C10orf71: variants seen among roughly 807,000 people sequenced by gnomAD.
The protein encoded by C10orf71 is chromosome 10 open reading frame 71, also known as cardiac-enriched FHL2-interacting protein.
For synonymous variants in C10orf71, 758 were observed against 726.3 expected, an observed-to-expected ratio of 1.04 and a Z score of -0.70; for missense variants, 1,869 against 1,804.5, an observed-to-expected ratio of 1.04 and a Z score of -0.65.
chr10:49,321,411 T>A (rs1173545376), intron 2 of C10orf71, among the ~76,000 whole-genome samples: 3 of 152,238 alleles, frequency 2.0e-5, no homozygotes, highest in Admixed American at 2.0e-4. Context: ...TCTTTAAGGT[T>A]GAATAATTCC....
At position 49,299,253 on chromosome 10, in the gene C10orf71, C is replaced by G. The variant is rs75324569; in HGVS notation, c.-248+20C>G. On this transcript the variant is annotated intron_variant, in intron 1 of 2. Coordinates refer to ENST00000374144, the MANE Select transcript of C10orf71 (RefSeq NM_001135196.2). The stretch of plus-strand genomic sequence containing the variant: ...ATTTAGGTAAGCTTCGCGGACTTCC[C>G]GTGTCTGGCCGGCTTCTGGTCACTG... The G allele has an allele frequency of 1.3e-5, 2 of 152,208 alleles. No homozygotes were observed. Among genetic ancestry groups the G allele is most frequent in the Non-Finnish European group, 2.9e-5 (2 of 68,118 alleles). 9.4% of individuals were successfully genotyped at this position (152,208 alleles called of 1,614,324 possible).
chr10:49,322,830 G>C lies in C10orf71; in HGVS notation c.285G>C (p.Trp95Cys), dbSNP rs1849121283. 1.2e-6 allele frequency: 2 copies of C among 1,613,918 alleles called. No individual in the cohort carries two copies. The highest frequency in any genetic ancestry group is 4.5e-5 in the East Asian group (2 of 44,868). Reference sequence around the variant, plus strand: ...CACAGGGCACGGAACATTCGGGCTGGGCGGCCACCTTCCAACAGCTACCCA... The same window carrying C: ...CACAGGGCACGGAACATTCGGGCTGCGCGGCCACCTTCCAACAGCTACCCA... Reference protein sequence around the residue: ...LPSQGTEHSGWAATFQQLPKY... With the variant: ...LPSQGTEHSGCAATFQQLPKY... The change falls in exon 3 of 3, where the codon TGG becomes TGC. Residue 95 changes from tryptophan to cysteine, a missense_variant. By Grantham distance (215) the Trp-to-Cys change is radical (BLOSUM62 -2). Transcript: ENST00000374144.
intron 1 of C10orf71, among the ~76,000 whole-genome samples, chr10:49,309,849 G>T (rs1848880293): frequency 6.6e-6 from 1 of 152,162 alleles, no homozygotes; most frequent in African/African-American, 2.4e-5. Context: ...AGAGCAAGAG[G>T]AATCAATTCC....
intron 1 of C10orf71, among the ~76,000 whole-genome samples, chr10:49,307,159 C>T (rs1434000655): frequency 6.6e-6 from 1 of 152,238 alleles, no homozygotes; most frequent in Non-Finnish European, 1.5e-5. Flanking sequence ...GTGATGCCAG[C>T]ATGGCTGCTC....
chr10:49,325,425 T>C lies in C10orf71; in HGVS notation c.2880T>C (p.Ser960=). The change falls in exon 3 of 3, where the codon TCT becomes TCC. Residue 960 remains serine, a synonymous_variant. Coordinates refer to ENST00000374144, the MANE Select transcript of C10orf71 (RefSeq NM_001135196.2). The stretch of plus-strand genomic sequence containing the variant: ...CAGCCCCAAAGGGGAATTTCCCATC[T>C]ATGCCTCTGGTGGGAGAGGGGGACC... ...SQPAPKGNFP[S]MPLVGEGDRV... 6.5e-7 allele frequency: 1 copy of C among 1,550,232 alleles called. No individual in the cohort carries two copies. The highest frequency in any genetic ancestry group is 1.7e-4 in the Middle Eastern group (1 of 5,984).
Position 49,325,027 on chromosome 10 carries a change from G to A in C10orf71, c.2482G>A (p.Gly828Arg). 1 of 1,551,778 alleles carries A rather than the reference G, an allele frequency of 6.4e-7. No individual in the cohort carries two copies. The highest frequency in any genetic ancestry group is 8.7e-7 in the Non-Finnish European group (1 of 1,147,022). Residue 828 changes from glycine to arginine, a missense_variant, in exon 3 of 3, where the codon GGG becomes AGG. Physicochemically the swap from Gly to Arg is moderately radical, Grantham distance 125. Transcript: ENST00000374144. ...AGCTAATTTCAGAGGCTCTTGGATT[G>A]GGGAAAATAAGGGCACAACCTTTTC... Reference protein sequence around the residue: ...EEANFRGSWIGENKGTTFSQA... With the variant: ...EEANFRGSWIRENKGTTFSQA...
intron 1 of C10orf71, among the ~76,000 whole-genome samples, chr10:49,310,790 A>ATGG (rs1848897310): frequency 6.6e-6 from 1 of 151,238 alleles, no homozygotes; most frequent in African/African-American, 2.4e-5. Flanking sequence ...GATGATGATG[A>ATGG]TGATGATGAT....
chr10:49,306,897 A>C (rs992929549), intron 1 of C10orf71, among the ~76,000 whole-genome samples: 6 of 152,188 alleles, frequency 3.9e-5, no homozygotes, highest in Admixed American at 3.3e-4. Context: ...CTGGCCTGGC[A>C]GTGGGGGTGG....
chr10:49,326,414 T>A lies in C10orf71; in HGVS notation c.3869T>A (p.Leu1290Ter). ...PQSGEYFVFD[L>*]PLQVKIKTFY... is the part of the protein sequence containing the mutation. ...TCCGGGGAGTACTTTGTCTTCGACTTGCCACTCCAGGTGAAAATCAAGACC... is the reference window on the plus strand; with the variant it reads ...TCCGGGGAGTACTTTGTCTTCGACTAGCCACTCCAGGTGAAAATCAAGACC... Residue 1290 changes from leucine (L) to a stop codon, truncating the protein, a stop_gained, in exon 3 of 3, where the codon TTG becomes TAG. Transcript: ENST00000374144. LOFTEE classifies it low-confidence loss of function (END_TRUNC). 1 of 1,550,508 alleles carries A rather than the reference T, an allele frequency of 6.4e-7. No individual in the cohort carries two copies. The highest frequency in any genetic ancestry group is 8.7e-7 in the Non-Finnish European group (1 of 1,146,890).
rs1332704051 is a variant in C10orf71, at chr10:49,324,820, G to T, written c.2275G>T (p.Asp759Tyr). The T allele has an allele frequency of 6.4e-7, 1 of 1,552,080 alleles. No individual in the cohort carries two copies. The highest frequency in any genetic ancestry group is 2.4e-5 in the East Asian group (1 of 40,926). The change falls in exon 3 of 3, where the codon GAT (aspartate) becomes TAT (tyrosine). Residue 759 changes from aspartate (D) to tyrosine (Y), a missense_variant. Asp to Tyr is a radical substitution (Grantham distance 160). Coordinates refer to ENST00000374144, the MANE Select transcript of C10orf71 (RefSeq NM_001135196.2). ...GAACCAGCGGGAAGACAGGAGGAAGGATGTGAGTGCAGGTGACAGTCAGAA... is the reference window on the plus strand; with the variant it reads ...GAACCAGCGGGAAGACAGGAGGAAGTATGTGAGTGCAGGTGACAGTCAGAA... ...TENQREDRRK[D>Y]VSAGDSQKDE...
intron 1 of C10orf71, among the ~76,000 whole-genome samples, chr10:49,305,121 G>A (rs1848790543): frequency 6.6e-6 from 1 of 152,194 alleles, no homozygotes; most frequent in African/African-American, 2.4e-5. Flanking sequence ...GGTGTCATGG[G>A]GTATGGGGAA....
At chr10:49,317,807 C>T (rs539420245) in intron 2 of C10orf71, among the ~76,000 whole-genome samples, 7 of 152,256 alleles carry the variant, frequency 4.6e-5, no homozygotes, top group South Asian at 2.1e-4. Context: ...GCTATGATTA[C>T]GCCACTACAC....
In C10orf71 at chr10:49,323,278, T is replaced by C. The variant is rs892356101; in HGVS notation, c.733T>C (p.Leu245=). The C allele has an allele frequency of 2.5e-6, 4 of 1,613,826 alleles. No homozygotes were observed. The highest frequency in any genetic ancestry group is 3.4e-6 in the Non-Finnish European group (4 of 1,179,834). The change falls in exon 3 of 3, where the codon TTA becomes CTA. Residue 245 remains leucine (L), a synonymous_variant. Transcript: ENST00000374144. The part of the protein sequence containing the change: ...FLPAANDTAT[L]CESKFPSPHH... The stretch of plus-strand genomic sequence containing the variant: ...CCCAGCAGCCAATGACACGGCCACC[T>C]TATGTGAGTCAAAGTTCCCCTCTCC...
At position 49,323,824 on chromosome 10, in the gene C10orf71, C is replaced by T. The variant is rs1318192831; in HGVS notation, c.1279C>T (p.Leu427Phe). 6.2e-7 allele frequency: 1 copy of T among 1,613,970 alleles called. No homozygotes were observed. Among genetic ancestry groups the T allele is most frequent in the South Asian group, 1.1e-5 (1 of 91,078 alleles). Residue 427 changes from leucine to phenylalanine, a missense_variant, in exon 3 of 3, where the codon CTT becomes TTT. Coordinates refer to ENST00000374144, the MANE Select transcript of C10orf71 (RefSeq NM_001135196.2). Reference protein sequence around the residue: ...PQEQFSENNALDLPVEPNEHY... With the variant: ...PQEQFSENNAFDLPVEPNEHY... ...GGAACAGTTTTCAGAAAACAATGCT[C>T]TTGACCTGCCTGTGGAACCCAATGA... is the stretch of plus-strand genomic sequence containing the variant.
At chr10:49,299,606 A>T (rs1195917472) in intron 1 of C10orf71, among the ~76,000 whole-genome samples, 1 of 151,990 alleles carries the variant, frequency 6.6e-6, no homozygotes, top group Non-Finnish European at 1.5e-5. Context: ...CCGGGAGCCC[A>T]TTGGTGTTGG....
At chr10:49,320,873 G>C (rs1590336406) in intron 2 of C10orf71, among the ~76,000 whole-genome samples, 1 of 152,062 alleles carries the variant, frequency 6.6e-6, no homozygotes, top group Non-Finnish European at 1.5e-5. Context: ...TTCCTCAAGG[G>C]ACTGTCTTTT....
intron 1 of C10orf71, among the ~76,000 whole-genome samples, chr10:49,303,510 C>T (rs1304825932): frequency 6.6e-6 from 1 of 152,182 alleles, no homozygotes; most frequent in Non-Finnish European, 1.5e-5. Flanking sequence ...GGTCTCAGGG[C>T]CAGCAGATCT....
chr10:49,323,948 C>A lies in C10orf71; in HGVS notation c.1403C>A (p.Thr468Asn), dbSNP rs770803940. The change falls in exon 3 of 3, where the codon ACC becomes AAC. Residue 468 changes from threonine to asparagine, a missense_variant. Transcript: ENST00000374144. The part of the protein sequence containing the change: ...DSADSQPAER[T>N]PSPPGQLNGY... Reference sequence around the variant, plus strand: ...GCAGACAGCCAGCCAGCAGAGCGAACCCCATCACCCCCAGGACAGCTAAAC... The same window carrying A: ...GCAGACAGCCAGCCAGCAGAGCGAAACCCATCACCCCCAGGACAGCTAAAC... 7 of 1,613,858 alleles carry A rather than the reference C, an allele frequency of 4.3e-6. No individual in the cohort carries two copies. The highest frequency in any genetic ancestry group is 5.9e-6 in the Non-Finnish European group (7 of 1,179,854).
intron 1 of C10orf71, among the ~76,000 whole-genome samples, chr10:49,309,679 G>A (rs1416289314): frequency 1.3e-5 from 2 of 152,204 alleles, no homozygotes; most frequent in Non-Finnish European, 2.9e-5. Flanking sequence ...GTGGCGTGGG[G>A]TGGTGGAGGC....
Sources: allele counts gnomAD v4.1 joint callset (sites outside exome capture counted in the v4.1 genomes callset), GRCh38; gene constraint gnomAD v4.1.1; transcripts MANE v1.5; gene names NCBI Gene and HGNC (gene_info 2026-07-23, HGNC 2026-07-21).